ITK: variants seen among roughly 807,000 people sequenced by gnomAD.
ITK encodes the protein IL2 inducible T cell kinase, also known as tyrosine-protein kinase ITK/TSK.
Under a neutral mutation model 87.6 loss-of-function variants are expected in ITK, and 45 were observed. The ratio of observed to expected loss-of-function variants is 0.51; its 90% CI spans 0.40 to 0.66. The LOEUF is 0.66. Among genes scored for constraint, ITK ranks in the 30% least tolerant of loss-of-function variants. The probability of loss-of-function intolerance (pLI) is 0.00; values close to 1 mark genes in which losing one functional copy is unlikely to be tolerated. For missense variants in ITK, 605 were observed against 766.3 expected (o/e 0.79, Z 2.48); for synonymous variants, 303 against 273.6 (o/e 1.11, Z -1.06).
chr5:157,243,936 T>C (rs1754966683), intron 12 of ITK, 142 bp downstream of exon 12: 1 of 804,448 alleles, frequency 1.2e-6, no homozygotes, highest in African/African-American at 1.7e-5. Context: ...GAGAATACAA[T>C]CAAACTCTTC....
rs745683533 is a variant in ITK, at chr5:157,252,642, GC to G, written c.1828del (p.Arg610ValfsTer15). ...EDRPAFSRLL[R>X]QLAEIAESGL ...ATCGGCCAGCCTTCTCCAGACTGCT[GC>G]GTCAACTGGCTGAAATTGCAGAATC... On this transcript the variant is annotated frameshift_variant, in exon 17 of 17. Transcript: ENST00000422843. LOFTEE classifies it high-confidence loss of function. 6.2e-7 allele frequency: 1 copy of G among 1,614,164 alleles called. No individual in the cohort carries two copies. The highest frequency in any genetic ancestry group is 8.5e-7 in the Non-Finnish European group (1 of 1,179,976).
At chr5:157,189,223 C>T (rs1753703969) in intron 1 of ITK, among the ~76,000 whole-genome samples, 3 of 152,120 alleles carry the variant, frequency 2.0e-5, no homozygotes, top group South Asian at 2.1e-4. Flanking sequence ...TGGAGATAAC[C>T]GTTGTATTGA....
chr5:157,197,272 C>G (rs1393606652), intron 1 of ITK, among the ~76,000 whole-genome samples: 1 of 152,196 alleles, frequency 6.6e-6, no homozygotes, highest in African/African-American at 2.4e-5. Context: ...CAGGTGCTCT[C>G]TAGCTGCTGC....
At chr5:157,244,529 C>A in intron 13 of ITK, 51 bp downstream of exon 13, 2 of 1,013,814 alleles carry the variant, frequency 2.0e-6, no homozygotes, top group Non-Finnish European at 3.2e-6. Flanking sequence ...AGGGACAGTT[C>A]TCACTGAAAT....
At chr5:157,188,874 T>G (rs918648891) in intron 1 of ITK, among the ~76,000 whole-genome samples, 7 of 152,194 alleles carry the variant, frequency 4.6e-5, no homozygotes, top group Non-Finnish European at 1.0e-4. Flanking sequence ...CCTGTTTAAT[T>G]TCTGTCTGTC....
At chr5:157,199,722 T>C (rs1753928637) in intron 1 of ITK, 1 of 152,124 alleles carries the variant, frequency 6.6e-6, no homozygotes, top group Admixed American at 6.6e-5. Context: ...ATCTATAAAA[T>C]GGGGAGATAA....
chr5:157,199,622 G>A (rs556326255), intron 1 of ITK: 22 of 152,290 alleles, frequency 1.4e-4, no homozygotes, highest in African/African-American at 4.8e-4. Context: ...ATAGTAGTTA[G>A]GTTATCAGGC....
At chr5:157,226,688 C>T (rs771509975) in intron 6 of ITK, among the ~76,000 whole-genome samples, 3 of 152,180 alleles carry the variant, frequency 2.0e-5, no homozygotes, top group East Asian at 3.8e-4. Context: ...ACTGATTACA[C>T]ATTTCCCATA....
At chr5:157,228,247 A>G in intron 6 of ITK, 49 bp from the exon 7 acceptor site, 1 of 1,107,722 alleles carries the variant, frequency 9.0e-7, no homozygotes, top group Non-Finnish European at 1.4e-6. Flanking sequence ...ATAAAATGAT[A>G]TAAAACTTAG....
At chr5:157,248,327 A>G (rs1286798351) in intron 15 of ITK, among the ~76,000 whole-genome samples, 1 of 152,222 alleles carries the variant, frequency 6.6e-6, no homozygotes, top group Non-Finnish European at 1.5e-5. Flanking sequence ...ATAGACAAGC[A>G]AAAGATGTGT....
At chr5:157,221,025 AC>A (rs1365737542) in intron 5 of ITK, among the ~76,000 whole-genome samples, 2 of 152,148 alleles carry the variant, frequency 1.3e-5, no homozygotes, top group African/African-American at 4.8e-5. Context: ...CACCTGGCTA[AC>A]TTTTGTATTA....
In ITK at chr5:157,241,665, G is replaced by A; in HGVS notation, c.1005G>A (p.Arg335=). Residue 335 remains arginine, a synonymous_variant, in exon 11 of 17, where the codon CGG becomes CGA. Coordinates refer to ENST00000422843, the MANE Select transcript of ITK (RefSeq NM_005546.4). The stretch of plus-strand genomic sequence containing the variant: ...ACCCAGGCCTGGTGACTCGACTCCG[G>A]TATCCAGTTTGTTTTGGGAGGCAGA... ...HNGGGLVTRL[R]YPVCFGRQKA... The A allele has an allele frequency of 6.2e-7, 1 of 1,613,934 alleles. No homozygotes were observed. Among genetic ancestry groups the A allele is most frequent in the Non-Finnish European group, 8.5e-7 (1 of 1,179,866 alleles).
At chr5:157,211,966 G>A (rs1754200146) in intron 3 of ITK, among the ~76,000 whole-genome samples, 1 of 152,210 alleles carries the variant, frequency 6.6e-6, no homozygotes, top group African/African-American at 2.4e-5. Flanking sequence ...TAGCTTTCAA[G>A]CTTTTCAGAC....
intron 6 of ITK, among the ~76,000 whole-genome samples, chr5:157,225,239 C>A (rs1263164747): frequency 6.6e-6 from 1 of 152,166 alleles, no homozygotes; most frequent in Non-Finnish European, 1.5e-5. Flanking sequence ...GAGAAATTCT[C>A]CCGCTTTAGC....
At position 157,222,820 on chromosome 5, in the gene ITK, CT is replaced by C. The variant is rs756727264; in HGVS notation, c.496-37del. On this transcript the variant is annotated intron_variant, in intron 5 of 16. Coordinates refer to ENST00000422843, the MANE Select transcript of ITK (RefSeq NM_005546.4). Reference sequence around the variant, plus strand: ...CCGATGAAAGGAGGCATTTTACCTCCTTTTTTATGTCTTTGCTTGGTTTTGT... The same window carrying C: ...CCGATGAAAGGAGGCATTTTACCTCCTTTTTATGTCTTTGCTTGGTTTTGT... The C allele has an allele frequency of 3.7e-6, 6 of 1,612,216 alleles. No homozygotes were observed. The Admixed American group carries it at 6.7e-5, about 18-fold the overall frequency.
chr5:157,253,778 T>G lies in ITK; in HGVS notation c.*1100T>G, dbSNP rs565061227. On this transcript the variant is annotated 3_prime_UTR_variant, in exon 17 of 17. Coordinates refer to ENST00000422843, the MANE Select transcript of ITK (RefSeq NM_005546.4). ...AAAATTCTAGGAGAGAAATAAAGAG[T>G]CTGTTTTTGCTCAAACCATCAGGAT... 2 of 216,552 alleles carry G rather than the reference T, an allele frequency of 9.2e-6. No homozygotes were observed. The highest frequency in any genetic ancestry group is 3.7e-4 in the South Asian group (2 of 5,344). 13.4% of individuals were successfully genotyped at this position (216,552 alleles called of 1,614,324 possible). A position where few individuals can be genotyped will look rare whatever the true frequency, so the allele number is the denominator to read the frequency against.
At chr5:157,196,788 G>C (rs1753862549) in intron 1 of ITK, among the ~76,000 whole-genome samples, 1 of 152,086 alleles carries the variant, frequency 6.6e-6, no homozygotes, top group Admixed American at 6.5e-5. Flanking sequence ...ATGTATTTTG[G>C]CTACTGGTCC....
At chr5:157,243,223 C>G (rs1182611401) in intron 11 of ITK, among the ~76,000 whole-genome samples, 2 of 152,202 alleles carry the variant, frequency 1.3e-5, no homozygotes, top group African/African-American at 4.8e-5. Flanking sequence ...GCCCCTCTGC[C>G]CCAGTAAGGC....
At chr5:157,211,638 C>T in intron 3 of ITK, 1 of 466,124 alleles carries the variant, frequency 2.1e-6, no homozygotes, top group Non-Finnish European at 3.9e-6. Context: ...TAAGTACCTA[C>T]ATAAGATGCT....
Sources: allele counts gnomAD v4.1 joint callset (sites outside exome capture counted in the v4.1 genomes callset), GRCh38; gene constraint gnomAD v4.1.1; transcripts MANE v1.5; gene names NCBI Gene and HGNC (gene_info 2026-07-23, HGNC 2026-07-21).